RGS17: variants seen among roughly 807,000 people sequenced by gnomAD.
The protein encoded by RGS17 is regulator of G protein signaling 17.
In RGS17, 12 loss-of-function variants were observed where a neutral mutation model predicts 25.5. The ratio of observed to expected loss-of-function variants is 0.47; its 90% CI spans 0.30 to 0.76. RGS17 has a LOEUF of 0.76. Ranked by LOEUF, RGS17 falls within the 30% of genes least tolerant of loss-of-function variation. The pLI, the probability that RGS17 is intolerant of heterozygous loss-of-function variation, is 0.07. For missense variants in RGS17, 196 were observed against 242.2 expected, an observed-to-expected ratio of 0.81 and a Z score of 1.27; for synonymous variants, 71 against 76.9, an observed-to-expected ratio of 0.92 and a Z score of 0.40.
At chr6:153,107,715 T>C (rs1056454758) in intron 1 of RGS17, among the ~76,000 whole-genome samples, 1 of 152,218 alleles carries the variant, frequency 6.6e-6, no homozygotes, top group South Asian at 2.1e-4. Context: ...CCTGAAATCG[T>C]TGCAAGTGTT....
chr6:153,049,845 C>A (rs1413384820), intron 1 of RGS17, among the ~76,000 whole-genome samples: 1 of 152,150 alleles, frequency 6.6e-6, no homozygotes, highest in Admixed American at 6.5e-5. Flanking sequence ...AATTCTAAAA[C>A]TTACATGGAA....
At chr6:153,034,674 C>T (rs753606225) in intron 2 of RGS17, among the ~76,000 whole-genome samples, 1 of 152,148 alleles carries the variant, frequency 6.6e-6, no homozygotes, top group Non-Finnish European at 1.5e-5. Context: ...ATTCCAGTGC[C>T]ATGGGTCTTT....
At chr6:153,035,129 G>A (rs1362138575) in intron 2 of RGS17, among the ~76,000 whole-genome samples, 1 of 145,946 alleles carries the variant, frequency 6.9e-6, no homozygotes, top group African/African-American at 2.6e-5. Flanking sequence ...ACTGCAGCCT[G>A]GGTGACAGAG....
chr6:153,038,856 T>A (rs549866183), intron 2 of RGS17, among the ~76,000 whole-genome samples: 101 of 152,314 alleles, frequency 6.6e-4, no homozygotes, highest in African/African-American at 2.3e-3. Context: ...ATGGTACTTG[T>A]TAGAAACGGA....
chr6:153,099,693 T>C lies in RGS17; in HGVS notation c.-26+31431A>G, dbSNP rs118041179. Among the ~76,000 whole-genome samples, 169 of 152,332 alleles carry C rather than the reference T, an allele frequency of 1.1e-3. 1 individual carries two copies. Among genetic ancestry groups the C allele is most frequent in the Admixed American group, 2.4e-3 (36 of 15,294 alleles). ...TAATCAGAAGTCCTGTATTTGTTTC[T>C]GGTTGCACCATTCATTAGTTCAGTA... On this transcript the variant is annotated intron_variant, in intron 1 of 4. Coordinates refer to ENST00000206262, the MANE Select transcript of RGS17 (RefSeq NM_012419.5).
intron 1 of RGS17, among the ~76,000 whole-genome samples, chr6:153,048,277 G>T (rs1776410456): frequency 6.6e-6 from 1 of 152,084 alleles, no homozygotes; most frequent in Non-Finnish European, 1.5e-5. Context: ...AAAAAATCCT[G>T]GACTCATCCT....
intron 1 of RGS17, among the ~76,000 whole-genome samples, chr6:153,054,401 G>A (rs56228568): frequency 0.18 from 27,499 of 151,128 alleles, 2,901 homozygotes; most frequent in Non-Finnish European, 0.24. Flanking sequence ...CTGAAATCCC[G>A]CACTTTGGGA....
At position 153,068,371 on chromosome 6, in the gene RGS17, C is replaced by T. The variant is rs1050099739; in HGVS notation, c.-25-24328G>A. On this transcript the variant is annotated intron_variant, in intron 1 of 4. Transcript: ENST00000206262. ...CTGGGGCAGGAGAATCACTTGAACC[C>T]AGGAGGCAGAGGTTGGAGTGAACCG... Among the ~76,000 whole-genome samples, 79 of 152,136 alleles carry T rather than the reference C, an allele frequency of 5.2e-4. 1 individual carries two copies. Among genetic ancestry groups the T allele is most frequent in the Admixed American group, 5.2e-3 (79 of 15,272 alleles).
At chr6:153,070,458 G>C (rs1237086206) in intron 1 of RGS17, among the ~76,000 whole-genome samples, 1 of 151,872 alleles carries the variant, frequency 6.6e-6, no homozygotes, top group Non-Finnish European at 1.5e-5. Context: ...ATACAAGTTG[G>C]CTCTCCATAA....
Position 153,011,549 on chromosome 6 carries a change from C to T in RGS17, c.*25G>A. ...ACTTTTATTTCCCATCTCAGCCCTCCAAAATGATTGTTTTTAAATGAACAT... is the reference window on the plus strand; with the variant it reads ...ACTTTTATTTCCCATCTCAGCCCTCTAAAATGATTGTTTTTAAATGAACAT... On this transcript the variant is annotated 3_prime_UTR_variant, in exon 5 of 5. Coordinates refer to ENST00000206262, the MANE Select transcript of RGS17 (RefSeq NM_012419.5). 2 of 1,526,518 alleles carry T rather than the reference C, an allele frequency of 1.3e-6. No homozygotes were observed. The highest frequency in any genetic ancestry group is 2.3e-5 in the South Asian group (2 of 86,426). The allele number at this position is 1,526,518 out of a possible 1,614,324, so 94.6% of individuals were successfully genotyped here. A position where few individuals can be genotyped will look rare whatever the true frequency, so the allele number is the denominator to read the frequency against.
intron 1 of RGS17, among the ~76,000 whole-genome samples, chr6:153,047,692 A>G (rs1440447456): frequency 6.6e-6 from 1 of 152,176 alleles, no homozygotes; most frequent in East Asian, 1.9e-4. Context: ...ACAATCTTCT[A>G]CAACCAGGAA....
intron 1 of RGS17, among the ~76,000 whole-genome samples, chr6:153,045,237 T>C (rs1333296688): frequency 1.3e-5 from 2 of 152,176 alleles, no homozygotes; most frequent in African/African-American, 4.8e-5. Context: ...GCAATTCAGA[T>C]ATTGAAACAG....
At chr6:153,013,173 T>G (rs1437401447) in intron 4 of RGS17, among the ~76,000 whole-genome samples, 1 of 152,248 alleles carries the variant, frequency 6.6e-6, no homozygotes, top group African/African-American at 2.4e-5. Context: ...GTGCTCACTC[T>G]GTGTCTCTGT....
intron 2 of RGS17, among the ~76,000 whole-genome samples, chr6:153,042,941 G>T (rs1184698213): frequency 6.6e-6 from 1 of 152,196 alleles, no homozygotes; most frequent in Non-Finnish European, 1.5e-5. Flanking sequence ...TTAGTCTGGG[G>T]AGACCCAGAA....
At chr6:153,112,308 C>T (rs975076000) in intron 1 of RGS17, among the ~76,000 whole-genome samples, 39 of 151,768 alleles carry the variant, frequency 2.6e-4, no homozygotes, top group African/African-American at 5.8e-4. Flanking sequence ...ATTGATCAAG[C>T]GAAGAAAGGA....
intron 4 of RGS17, among the ~76,000 whole-genome samples, chr6:153,012,563 G>A (rs960247452): frequency 2.0e-5 from 3 of 152,140 alleles, no homozygotes; most frequent in African/African-American, 7.2e-5. Flanking sequence ...ATGTTGGAAA[G>A]GGAAATGGGG....
chr6:153,027,585 G>T (rs905893082), intron 2 of RGS17, among the ~76,000 whole-genome samples: 2 of 152,142 alleles, frequency 1.3e-5, no homozygotes, highest in African/African-American at 4.8e-5. Context: ...CAATGGAAAT[G>T]ATGATTTTCT....
chr6:153,100,163 A>C (rs1246093444), intron 1 of RGS17, among the ~76,000 whole-genome samples: 7 of 152,182 alleles, frequency 4.6e-5, no homozygotes, highest in African/African-American at 1.7e-4. Context: ...ATTAATCCAA[A>C]TTTTATATGA....
intron 1 of RGS17, among the ~76,000 whole-genome samples, chr6:153,096,524 T>C (rs920911338): frequency 5.9e-5 from 9 of 152,208 alleles, no homozygotes; most frequent in African/African-American, 2.2e-4. Context: ...GGCCGTTTAA[T>C]CTCTTTGGGC....
Sources: allele counts gnomAD v4.1 joint callset (sites outside exome capture counted in the v4.1 genomes callset), GRCh38; gene constraint gnomAD v4.1.1; transcripts MANE v1.5; gene names NCBI Gene and HGNC (gene_info 2026-07-23, HGNC 2026-07-21).